TRIM4: variants seen among roughly 807,000 people sequenced by gnomAD.
TRIM4 encodes tripartite motif containing 4, also known as E3 ubiquitin-protein ligase TRIM4.
TRIM4 carries 29 observed loss-of-function variants against 33.7 expected under a neutral mutation model. The observed-to-expected ratio is 0.86, with a 90% CI of 0.64 to 1.17. TRIM4 has a LOEUF of 1.17. Among genes scored for constraint, TRIM4 ranks in the 50% most tolerant of loss-of-function variants. TRIM4 has a pLI of 0.00. For missense variants in TRIM4, 554 were observed against 593.7 expected, an observed-to-expected ratio of 0.93 and a Z score of 0.69; for synonymous variants, 224 against 233.0, an observed-to-expected ratio of 0.96 and a Z score of 0.35.
chr7:99,912,326 T>C (rs1225150549), intron 1 of TRIM4, among the ~76,000 whole-genome samples: 2 of 151,872 alleles, frequency 1.3e-5, no homozygotes, highest in African/African-American at 4.8e-5. Context: ...AGGCCAAGAG[T>C]TCGAGACCAG....
At position 99,908,399 on chromosome 7, in the gene TRIM4, A is replaced by G. The variant is rs1284529542; in HGVS notation, c.720+183T>C. 3 of 578,044 alleles carry G rather than the reference A, an allele frequency of 5.2e-6. No individual in the cohort carries two copies. The African/African-American group carries it at 5.6e-5, about 11-fold the overall frequency. 35.8% of individuals were successfully genotyped at this position (578,044 alleles called of 1,614,324 possible). On this transcript the variant is annotated intron_variant, in intron 3 of 5. Coordinates refer to ENST00000349062, the MANE Select transcript of TRIM4 (RefSeq NM_033091.3). ...CCTATGAGCTGAGCTCAGCATACCT[A>G]CATTTCACATTAATTTCCTTTGAAT...
intron 1 of TRIM4, among the ~76,000 whole-genome samples, 197 bp downstream of exon 1, chr7:99,918,812 T>G (rs1445596295): frequency 6.6e-6 from 1 of 152,206 alleles, no homozygotes; most frequent in African/African-American, 2.4e-5. Flanking sequence ...TTGCTGAGGT[T>G]TGCACCTCCC....
In TRIM4 at chr7:99,893,623, T is replaced by A. The variant is rs572061550; in HGVS notation, c.842-877A>T. 2.1e-4 allele frequency among the ~76,000 whole-genome samples: 32 copies of A among 152,204 alleles called. No homozygotes were observed. In the South Asian group the frequency reaches 6.0e-3, roughly 29 times the overall value. The stretch of plus-strand genomic sequence containing the variant: ...TTCTATGTTCTCTAAGGTGTCAGAG[T>A]CCCCTCCACCTGAACACTCATGCTT... On this transcript the variant is annotated intron_variant, in intron 5 of 5. Coordinates refer to ENST00000349062, the MANE Select transcript of TRIM4 (RefSeq NM_033091.3).
At chr7:99,909,478 C>T in intron 2 of TRIM4, 87 bp downstream of exon 2, 1 of 1,144,736 alleles carries the variant, frequency 8.7e-7, no homozygotes, top group South Asian at 1.3e-5. Flanking sequence ...TGCAAAACCC[C>T]ATGACCAAAA....
Position 99,919,505 on chromosome 7 carries a change from C to T in TRIM4, c.-104G>A. ...CCAGACGACTTCCGAACCGCCGTCA[C>T]CGCCTCACGTAAAAGGGTACAACGC... is the stretch of plus-strand genomic sequence containing the variant. On this transcript the variant is annotated 5_prime_UTR_variant, in exon 1 of 6. The change creates a new upstream start codon in the 5' untranslated region. Transcript: ENST00000349062. 7.9e-7 allele frequency: 1 copy of T among 1,268,414 alleles called. No homozygotes were observed. Among genetic ancestry groups the T allele is most frequent in the Non-Finnish European group, 1.0e-6 (1 of 954,804 alleles). 78.6% of individuals were successfully genotyped at this position (1,268,414 alleles called of 1,614,324 possible).
intron 5 of TRIM4, among the ~76,000 whole-genome samples, chr7:99,894,668 C>CA (rs1227389800): frequency 6.7e-6 from 1 of 148,248 alleles, no homozygotes. Flanking sequence ...CTCCATCCCC[C>CA]CCCCAAAAAA....
At chr7:99,917,721 A>G in intron 1 of TRIM4, 1 of 825,396 alleles carries the variant, frequency 1.2e-6, no homozygotes, top group Non-Finnish European at 1.5e-6. Flanking sequence ...CTCCATCTCA[A>G]AAACAATAAT....
At position 99,908,597 on chromosome 7, in the gene TRIM4, G is replaced by C. The variant is rs770128143; in HGVS notation, c.705C>G (p.Thr235=). 1.2e-6 allele frequency: 2 copies of C among 1,612,154 alleles called. No homozygotes were observed. Among genetic ancestry groups the C allele is most frequent in the East Asian group, 4.5e-5 (2 of 44,872 alleles). The change falls in exon 3 of 6, where the codon ACC becomes ACG. Residue 235 remains threonine (T), a synonymous_variant. Transcript: ENST00000349062. ...LEVGEKSQAP[T]LELLQNPKEV... The stretch of plus-strand genomic sequence containing the variant: ...ACTGTCTCACCTGAAGCAGCTCCAG[G>C]GTGGGAGCCTGGCTCTTCTCCCCCA...
chr7:99,894,394 G>A (rs1445094264), intron 5 of TRIM4, among the ~76,000 whole-genome samples: 3 of 152,122 alleles, frequency 2.0e-5, no homozygotes, highest in African/African-American at 4.8e-5. Flanking sequence ...GACCAGGCGC[G>A]GTGGCTCATG....
Position 99,915,123 on chromosome 7 carries a change from T to C in TRIM4, c.393+3886A>G, listed in dbSNP as rs184755530. On this transcript the variant is annotated intron_variant, in intron 1 of 5. Transcript: ENST00000349062. Reference sequence around the variant, plus strand: ...CTGCGCCTGGCCTAGGATAGCACTTTCTTTTTCTTTCCCAGCATGCCATCA... The same window carrying C: ...CTGCGCCTGGCCTAGGATAGCACTTCCTTTTTCTTTCCCAGCATGCCATCA... Among the ~76,000 whole-genome samples the C allele has an allele frequency of 3.1e-3, 477 of 152,292 alleles. 1 individual carries two copies. The highest frequency in any genetic ancestry group is 0.01 in the Middle Eastern group (3 of 294).
intron 5 of TRIM4, among the ~76,000 whole-genome samples, chr7:99,896,194 G>A (rs753066490): frequency 3.3e-5 from 5 of 151,706 alleles, no homozygotes; most frequent in African/African-American, 1.2e-4. Context: ...TTATGGTATC[G>A]TATGGCAGAT....
At chr7:99,916,153 T>G (rs1229294666) in intron 1 of TRIM4, among the ~76,000 whole-genome samples, 1 of 152,202 alleles carries the variant, frequency 6.6e-6, no homozygotes, top group Non-Finnish European at 1.5e-5. Context: ...AAGGGCTATG[T>G]TCCCCTTTCA....
chr7:99,910,023 C>T lies in TRIM4; in HGVS notation c.394-363G>A, dbSNP rs534844166. On this transcript the variant is annotated intron_variant, in intron 1 of 5. Coordinates refer to ENST00000349062, the MANE Select transcript of TRIM4 (RefSeq NM_033091.3). The stretch of plus-strand genomic sequence containing the variant: ...CTGGGATTACAGCCATGAGCCACCA[C>T]GCCTGGCAACTTCATTTTTTAAGAG... Among the ~76,000 whole-genome samples the T allele has an allele frequency of 2.1e-4, 32 of 151,542 alleles. No individual in the cohort carries two copies. In the South Asian group the frequency reaches 5.9e-3, roughly 28 times the overall value.
Position 99,909,551 on chromosome 7 carries a change from A to G in TRIM4, c.489+14T>C, listed in dbSNP as rs1226754706. On this transcript the variant is annotated intron_variant, in intron 2 of 5. Coordinates refer to ENST00000349062, the MANE Select transcript of TRIM4 (RefSeq NM_033091.3). ...CCTCAGGAGCAAGAAATATCCAACC[A>G]CTTCTGCCATTACCTTCCACTGTGT... The G allele has an allele frequency of 6.2e-7, 1 of 1,610,542 alleles. No individual in the cohort carries two copies. The highest frequency in any genetic ancestry group is 2.2e-5 in the East Asian group (1 of 44,844).
At chr7:99,898,600 G>C (rs1161588211) in intron 5 of TRIM4, among the ~76,000 whole-genome samples, 5 of 152,180 alleles carry the variant, frequency 3.3e-5, no homozygotes, top group Non-Finnish European at 7.3e-5. Context: ...AACTGGGAGA[G>C]TATAAAAGCC....
At chr7:99,896,687 T>C (rs908134906) in intron 5 of TRIM4, among the ~76,000 whole-genome samples, 4 of 152,134 alleles carry the variant, frequency 2.6e-5, no homozygotes, top group African/African-American at 7.2e-5. Context: ...GACAATGGGA[T>C]CAGGGGAGAA....
intron 1 of TRIM4, chr7:99,916,606 T>A (rs1819560297): frequency 1.4e-6 from 1 of 728,892 alleles, no homozygotes; most frequent in African/African-American, 1.7e-5. Context: ...ACCCACCAAG[T>A]CTAATTGATC....
In TRIM4 at chr7:99,919,358, C is replaced by A; in HGVS notation, c.44G>T (p.Cys15Phe). 6.3e-7 allele frequency: 1 copy of A among 1,577,480 alleles called. No homozygotes were observed. Among genetic ancestry groups the A allele is most frequent in the African/African-American group, 1.4e-5 (1 of 71,976 alleles). Residue 15 changes from cysteine to phenylalanine, a missense_variant, in exon 1 of 6, where the codon TGC becomes TTC. By Grantham distance (205) the Cys-to-Phe change is radical (BLOSUM62 -2). Around this residue, in one of 3 missense-constraint regions of TRIM4, gnomAD observed 233 missense variants for 203.1 expected, o/e 1.15. Transcript: ENST00000349062. ...CACCGGGTCCTGGAAATAGTCCAGG[C>A]AGATGGGGCAGGTCAACTCCTCCTG... The part of the protein sequence containing the change: ...DIQEELTCPI[C>F]LDYFQDPVSI...
Position 99,896,187 on chromosome 7 carries a change from T to C in TRIM4, c.842-3441A>G, listed in dbSNP as rs138664606. 4.6e-5 allele frequency among the ~76,000 whole-genome samples: 7 copies of C among 152,308 alleles called. No homozygotes were observed. In the East Asian group the frequency reaches 1.4e-3, roughly 29 times the overall value. On this transcript the variant is annotated intron_variant, in intron 5 of 5. Transcript: ENST00000349062. ...TTTTATTTTAGTGGTTTAAGGTTTA[T>C]GGTATCGTATGGCAGATGCACCTGA...
Sources: allele counts gnomAD v4.1 joint callset (sites outside exome capture counted in the v4.1 genomes callset), GRCh38; gene constraint gnomAD v4.1.1; regional missense constraint gnomAD v4.1.1; transcripts MANE v1.5; gene names NCBI Gene and HGNC (gene_info 2026-07-23, HGNC 2026-07-21).